The following PDE1A variants were observed in gnomAD, a reference collection of about 807,000 sequenced individuals.
PDE1A encodes the protein dual specificity calcium/calmodulin-dependent 3',5'-cyclic nucleotide phosphodiesterase 1A.
Under a neutral mutation model 61.7 loss-of-function variants are expected in PDE1A, and 35 were observed. The ratio of observed to expected loss-of-function variants is 0.57; its 90% CI spans 0.43 to 0.75. The LOEUF (loss-of-function observed/expected upper bound fraction) is 0.75, where lower values mean the gene tolerates loss of function less well. Ranked by LOEUF, PDE1A falls within the 30% of genes least tolerant of loss-of-function variation. The pLI, the probability that PDE1A is intolerant of heterozygous loss-of-function variation, is 0.00. For missense variants in PDE1A, 597 were observed against 630.6 expected (o/e 0.95, Z 0.57); for synonymous variants, 232 against 213.2 (o/e 1.09, Z -0.77).
chr2:182,461,158 A>G (rs1686260454), intron 2 of PDE1A, among the ~76,000 whole-genome samples: 1 of 152,156 alleles, frequency 6.6e-6, no homozygotes, highest in Non-Finnish European at 1.5e-5. Flanking sequence ...TCTGAGGTGT[A>G]TTCGTTAGCA....
intron 1 of PDE1A, among the ~76,000 whole-genome samples, chr2:182,327,972 C>T (rs1305540662): frequency 6.6e-6 from 1 of 152,204 alleles, no homozygotes; most frequent in Non-Finnish European, 1.5e-5. Context: ...TAAGTAGAAG[C>T]TATGGCTTTA....
At chr2:182,635,683 T>C in the PDE1A span, among the ~76,000 whole-genome samples, 1 of 128,542 alleles carries the variant, frequency 7.8e-6, no homozygotes, top group Non-Finnish European at 1.7e-5. Context: ...TATCTCTCTC[T>C]CTCTCTCTCT....
the PDE1A span, among the ~76,000 whole-genome samples, chr2:182,567,606 AAAT>A: frequency 6.6e-6 from 1 of 152,176 alleles, no homozygotes; most frequent in Admixed American, 6.5e-5. Context: ...TGCTCAACAA[AAAT>A]AATGTTTTAA....
chr2:182,442,101 A>C (rs1340427991), intron 2 of PDE1A, among the ~76,000 whole-genome samples: 1 of 152,080 alleles, frequency 6.6e-6, no homozygotes, highest in African/African-American at 2.4e-5. Context: ...TTAATTCAAA[A>C]ATTAAAAATG....
chr2:182,702,343 T>G, the PDE1A span, among the ~76,000 whole-genome samples: 1 of 152,202 alleles, frequency 6.6e-6, no homozygotes, highest in Non-Finnish European at 1.5e-5. Flanking sequence ...CCTAAAGTGA[T>G]CCACCCACCT....
the PDE1A span, among the ~76,000 whole-genome samples, chr2:182,686,771 C>T: frequency 2.9e-3 from 443 of 152,336 alleles, 3 homozygotes; most frequent in African/African-American, 0.01. Context: ...AGGGAATTCC[C>T]TTTCATAGCC....
At chr2:182,348,349 G>A (rs1212400130) in intron 1 of PDE1A, among the ~76,000 whole-genome samples, 1 of 152,040 alleles carries the variant, frequency 6.6e-6, no homozygotes. Context: ...AGAGAAAAGT[G>A]GTAGATAGAG....
intron 2 of PDE1A, among the ~76,000 whole-genome samples, chr2:182,507,040 T>C (rs1461368644): frequency 1.3e-5 from 2 of 152,174 alleles, no homozygotes; most frequent in South Asian, 2.1e-4. Flanking sequence ...ATAGTGTTGC[T>C]GGTGAAAATA....
chr2:182,632,828 A>G, the PDE1A span, among the ~76,000 whole-genome samples: 5 of 152,198 alleles, frequency 3.3e-5, no homozygotes, highest in African/African-American at 1.2e-4. Context: ...TTATAAAACA[A>G]TCTCAAATTG....
At chr2:182,381,465 G>T (rs1700732114) in intron 1 of PDE1A, among the ~76,000 whole-genome samples, 2 of 152,150 alleles carry the variant, frequency 1.3e-5, no homozygotes, top group Non-Finnish European at 2.9e-5. Context: ...AAGGGCCTTT[G>T]TTGAATGTAT....
the PDE1A span, among the ~76,000 whole-genome samples, chr2:182,690,324 A>C: frequency 6.6e-6 from 1 of 152,216 alleles, no homozygotes; most frequent in Non-Finnish European, 1.5e-5. Context: ...CAAAAAGCTT[A>C]TCCACGATGA....
chr2:182,660,597 AT>A, the PDE1A span, among the ~76,000 whole-genome samples: 1 of 152,174 alleles, frequency 6.6e-6, no homozygotes, highest in East Asian at 1.9e-4. Context: ...CAAAGCAAGA[AT>A]TTTCTCTGGT....
chr2:182,548,948 G>C, the PDE1A span, among the ~76,000 whole-genome samples: 2 of 152,344 alleles, frequency 1.3e-5, no homozygotes, highest in African/African-American at 4.8e-5. Context: ...ACAGGAAGCA[G>C]AGATGTGTTT....
chr2:182,694,827 G>GC, the PDE1A span, among the ~76,000 whole-genome samples: 27 of 99,030 alleles, frequency 2.7e-4, 1 homozygote, highest in South Asian at 4.7e-3. Flanking sequence ...AAAAAAGGTG[G>GC]GGGGGGGGCA....
intron 13 of PDE1A, among the ~76,000 whole-genome samples, chr2:182,177,262 C>T (rs1482134898): frequency 6.6e-6 from 1 of 152,074 alleles, no homozygotes; most frequent in Non-Finnish European, 1.5e-5. Context: ...GAAGGAATGG[C>T]ACCAGTTTCT....
intron 6 of PDE1A, among the ~76,000 whole-genome samples, chr2:182,228,299 G>T (rs1465828671): frequency 6.6e-6 from 1 of 152,094 alleles, no homozygotes; most frequent in Non-Finnish European, 1.5e-5. Context: ...TGGCTTAATT[G>T]CAATCCCTTT....
chr2:182,200,515 C>T (rs1034898340), intron 10 of PDE1A, among the ~76,000 whole-genome samples: 16 of 152,168 alleles, frequency 1.1e-4, no homozygotes, highest in African/African-American at 3.9e-4. Context: ...TGGTGGTACT[C>T]GCTAACTCCA....
At chr2:182,677,357 C>A in the PDE1A span, among the ~76,000 whole-genome samples, 1 of 152,102 alleles carries the variant, frequency 6.6e-6, no homozygotes, top group African/African-American at 2.4e-5. Context: ...AGGGAGGTGA[C>A]AGAGTTCCAC....
intron 1 of PDE1A, among the ~76,000 whole-genome samples, chr2:182,281,418 T>C (rs1693797499): frequency 6.6e-6 from 1 of 151,992 alleles, no homozygotes; most frequent in East Asian, 1.9e-4. Flanking sequence ...CAAATGGTCA[T>C]GCAACTTTAA....
Sources: allele counts gnomAD v4.1 joint callset (sites outside exome capture counted in the v4.1 genomes callset), GRCh38; gene constraint gnomAD v4.1.1; transcripts MANE v1.5; gene names NCBI Gene and HGNC (gene_info 2026-07-23, HGNC 2026-07-21).